CSPP1: variants seen among roughly 807,000 people sequenced by gnomAD.
The protein encoded by CSPP1 is centrosome and spindle pole-associated protein 1.
Under a neutral mutation model 164.4 loss-of-function variants are expected in CSPP1, and 126 were observed. The observed-to-expected ratio is 0.77, with a 90% confidence interval of 0.66 to 0.89. The LOEUF (loss-of-function observed/expected upper bound fraction) is 0.89, where lower values mean the gene tolerates loss of function less well. CSPP1 is among the 40% of genes least tolerant of loss of function. The pLI, the probability that CSPP1 is intolerant of heterozygous loss-of-function variation, is 0.00. For synonymous variants in CSPP1, 472 were observed against 476.7 expected (o/e 0.99, Z 0.13); for missense variants, 1,395 against 1,449.8 (o/e 0.96, Z 0.61).
chr8:67,118,826 G>C lies in CSPP1; in HGVS notation c.1697+5G>C. 6.3e-7 allele frequency: 1 copy of C among 1,594,336 alleles called. No homozygotes were observed. The highest frequency in any genetic ancestry group is 8.6e-7 in the Non-Finnish European group (1 of 1,162,556). ...CCAACTAGCACAACCTGTTGTGTAA[G>C]TTATTAGTTAAAAGAATAATTTTTT... On this transcript the variant is annotated splice_donor_5th_base_variant and intron_variant, in intron 15 of 30. Transcript: ENST00000678616.
Position 67,195,394 on chromosome 8 carries a change from C to T in CSPP1, c.3482C>T (p.Ser1161Leu). The T allele has an allele frequency of 6.2e-7, 1 of 1,613,602 alleles. No homozygotes were observed. The highest frequency in any genetic ancestry group is 2.2e-5 in the East Asian group (1 of 44,882). Residue 1161 changes from serine (S) to leucine (L), a missense_variant, in exon 31 of 31, where the codon TCA (serine) becomes TTA (leucine). Coordinates refer to ENST00000678616, the MANE Select transcript of CSPP1 (RefSeq NM_001382391.1). ...NKPINTDDES[S>L]LVDPDDIMKH... ...TTGCCTCCTGTAGATGATGAGAGTT[C>T]ACTGGTTGACCCTGATGACATCATG...
chr8:67,196,074 T>C lies in CSPP1; in HGVS notation c.*481T>C, dbSNP rs1837882842. On this transcript the variant is annotated 3_prime_UTR_variant, in exon 31 of 31. Transcript: ENST00000678616. ...ATTAATTAATTATTATTTCATGTCA[T>C]TTGTAGCTACTGATACAGCAGAAAT... 6.5e-6 allele frequency: 1 copy of C among 154,546 alleles called. No homozygotes were observed. Among genetic ancestry groups the C allele is most frequent in the Non-Finnish European group, 1.4e-5 (1 of 69,530 alleles). The allele number at this position is 154,546 out of a possible 1,614,324, so 9.6% of individuals were successfully genotyped here. A position where few individuals can be genotyped will look rare whatever the true frequency, so the allele number is the denominator to read the frequency against.
intron 10 of CSPP1, 25 bp from the exon 11 acceptor site, chr8:67,113,780 T>C: frequency 1.5e-6 from 2 of 1,295,750 alleles, no homozygotes; most frequent in Non-Finnish European, 1.1e-6. Flanking sequence ...ATCTTTTTAA[T>C]ATGTAAAACT....
chr8:67,195,308 T>A (rs1179702605), intron 30 of CSPP1, 74 bp from the exon 31 acceptor site: 1 of 890,218 alleles, frequency 1.1e-6, no homozygotes, highest in Non-Finnish European at 1.9e-6. Flanking sequence ...TGAGTTGGAC[T>A]ACAAGAGACC....
In CSPP1 at chr8:67,118,802, C is replaced by G. The variant is rs1290003599; in HGVS notation, c.1678C>G (p.Gln560Glu). 6.2e-7 allele frequency: 1 copy of G among 1,608,578 alleles called. No homozygotes were observed. The highest frequency in any genetic ancestry group is 8.5e-7 in the Non-Finnish European group (1 of 1,175,284). ...AAYVSAPVTH[Q>E]LAQPVVNTVG... ...TTATGTTAGTGCTCCTGTCACCCAC[C>G]AACTAGCACAACCTGTTGTGTAAGT... Residue 560 changes from glutamine (Q) to glutamate (E), a missense_variant, in exon 15 of 31, where the codon CAA becomes GAA. Coordinates refer to ENST00000678616, the MANE Select transcript of CSPP1 (RefSeq NM_001382391.1).
intron 1 of CSPP1, among the ~76,000 whole-genome samples, chr8:67,068,148 C>T (rs756303777): frequency 1.1e-4 from 17 of 152,152 alleles, no homozygotes; most frequent in Non-Finnish European, 2.4e-4. Context: ...TGCGCCTGGC[C>T]TGATCTGTTG....
chr8:67,179,952 T>C, intron 28 of CSPP1, 26 bp downstream of exon 28: 2 of 1,313,202 alleles, frequency 1.5e-6, no homozygotes, highest in Non-Finnish European at 2.2e-6. Context: ...TTATTAAGGC[T>C]ATATTGTTTA....
intron 8 of CSPP1, among the ~76,000 whole-genome samples, chr8:67,105,283 C>T (rs1045100267): frequency 2.0e-5 from 3 of 152,132 alleles, no homozygotes; most frequent in Admixed American, 6.5e-5. Flanking sequence ...GCCTTGGCCT[C>T]CCAGGGTGCT....
At chr8:67,190,955 A>G (rs1836053746) in intron 29 of CSPP1, among the ~76,000 whole-genome samples, 196 bp downstream of exon 29, 2 of 152,136 alleles carry the variant, frequency 1.3e-5, no homozygotes, top group African/African-American at 4.8e-5. Flanking sequence ...TCCAGATAAT[A>G]ATAGTATTTT....
intron 18 of CSPP1, among the ~76,000 whole-genome samples, chr8:67,150,277 G>T (rs1825459154): frequency 6.6e-6 from 1 of 152,050 alleles, no homozygotes; most frequent in Non-Finnish European, 1.5e-5. Flanking sequence ...TATATCCATA[G>T]CTGTTTGAAT....
chr8:67,067,682 C>G (rs1253764301), intron 1 of CSPP1, among the ~76,000 whole-genome samples: 1 of 151,602 alleles, frequency 6.6e-6, no homozygotes, highest in Non-Finnish European at 1.5e-5. Flanking sequence ...CCAGGATGGT[C>G]TTGATCTCCT....
chr8:67,168,902 T>G (rs1829987652), intron 24 of CSPP1, among the ~76,000 whole-genome samples: 2 of 152,224 alleles, frequency 1.3e-5, no homozygotes, highest in African/African-American at 4.8e-5. Context: ...CTTGGATGTC[T>G]TTTTAGTATT....
chr8:67,095,900 T>C (rs1229302725), intron 7 of CSPP1, among the ~76,000 whole-genome samples, 168 bp downstream of exon 7: 2 of 152,192 alleles, frequency 1.3e-5, no homozygotes, highest in African/African-American at 4.8e-5. Context: ...TATGTCCCAC[T>C]GAGGGGAAAA....
Position 67,091,791 on chromosome 8 carries a change from G to A in CSPP1, c.304-12G>A, listed in dbSNP as rs753818757. 2 of 1,115,022 alleles carry A rather than the reference G, an allele frequency of 1.8e-6. No individual in the cohort carries two copies. Among genetic ancestry groups the A allele is most frequent in the East Asian group, 5.5e-5 (1 of 18,056 alleles). The allele number at this position is 1,115,022 out of a possible 1,614,324, so 69.1% of individuals were successfully genotyped here. On this transcript the variant is annotated splice_polypyrimidine_tract_variant and intron_variant, in intron 4 of 30. Transcript: ENST00000678616. ...ATTAGGTAATATATTTTTTTAATGT[G>A]TATATATACAGAAAAATTTTCTATC...
At chr8:67,072,869 CAAAAAA>C (rs58087584) in intron 1 of CSPP1, among the ~76,000 whole-genome samples, 1 of 59,284 alleles carries the variant, frequency 1.7e-5, no homozygotes, top group Non-Finnish European at 3.9e-5. Context: ...GAGCCTGTCT[CAAAAAA>C]AAAAAAAAAA....
chr8:67,194,794 C>A (rs1837465359), intron 30 of CSPP1, among the ~76,000 whole-genome samples: 1 of 151,928 alleles, frequency 6.6e-6, no homozygotes, highest in African/African-American at 2.4e-5. Flanking sequence ...TGCGTACAAT[C>A]AATCAGATTC....
At chr8:67,136,730 A>G (rs1822373036) in intron 16 of CSPP1, among the ~76,000 whole-genome samples, 1 of 152,028 alleles carries the variant, frequency 6.6e-6, no homozygotes, top group Non-Finnish European at 1.5e-5. Flanking sequence ...GCCTAGGGAA[A>G]GTAGGTCTGG....
At chr8:67,159,998 TTTCTTTTCTTTTCTTTTCTTTTC>T (rs1827910132) in intron 21 of CSPP1, among the ~76,000 whole-genome samples, 1 of 94,528 alleles carries the variant, frequency 1.1e-5, no homozygotes, top group African/African-American at 6.2e-5. Flanking sequence ...TTTCTTTTCT[TTTCTTTTCTTTTCTTTTCTTTTC>T]TTTTCTTTTC....
At chr8:67,076,419 T>G (rs1438573198) in intron 2 of CSPP1, 63 bp from the exon 3 acceptor site, 2 of 827,596 alleles carry the variant, frequency 2.4e-6, no homozygotes, top group Non-Finnish European at 1.9e-6. Flanking sequence ...AAATTTGAGA[T>G]GAGTTGTATA....
Sources: allele counts gnomAD v4.1 joint callset (sites outside exome capture counted in the v4.1 genomes callset), GRCh38; gene constraint gnomAD v4.1.1; transcripts MANE v1.5; gene names NCBI Gene and HGNC (gene_info 2026-07-23, HGNC 2026-07-21).